Variants in GET1 observed in about 807,000 individuals in gnomAD.
GET1 encodes congenital heart disease 5 protein.
Under a neutral mutation model 22.6 loss-of-function variants are expected in GET1, and 20 were observed. That is an observed-to-expected ratio of 0.89 (90% CI 0.62 to 1.29). The LOEUF (loss-of-function observed/expected upper bound fraction) is 1.29, where lower values mean the gene tolerates loss of function less well. Among genes scored for constraint, GET1 ranks in the 50% most tolerant of loss-of-function variants. GET1 has a pLI of 0.00. For missense variants in GET1, 209 were observed against 219.9 expected, an observed-to-expected ratio of 0.95 and a Z score of 0.31; for synonymous variants, 92 against 83.8, an observed-to-expected ratio of 1.10 and a Z score of -0.53.
At position 39,396,756 on chromosome 21, in the gene GET1, C is replaced by G. The variant is rs574887855; in HGVS notation, c.452-110C>G. On this transcript the variant is annotated intron_variant, in intron 4 of 4. Coordinates refer to ENST00000649170, the MANE Select transcript of GET1 (RefSeq NM_004627.6). ...ACATAAACTTCACTTCAGCCCAGCACTGCTCAAAAAGAATGGAAATACTCT... is the reference window on the plus strand; with the variant it reads ...ACATAAACTTCACTTCAGCCCAGCAGTGCTCAAAAAGAATGGAAATACTCT... 1.1e-4 allele frequency: 113 copies of G among 986,482 alleles called. No homozygotes were observed. The East Asian group carries it at 2.5e-3, about 22-fold the overall frequency. 61.1% of individuals were successfully genotyped at this position (986,482 alleles called of 1,614,324 possible).
intron 1 of GET1, chr21:39,423,601 C>T (rs2074112444): frequency 2.3e-6 from 2 of 878,666 alleles, no homozygotes; most frequent in South Asian, 2.2e-5. Flanking sequence ...CACACACATA[C>T]ACACAAGCGT....
intron 1 of GET1, chr21:39,387,651 A>G (rs1481011043): frequency 2.8e-6 from 1 of 355,146 alleles, no homozygotes; most frequent in East Asian, 1.6e-4. Flanking sequence ...CACGCTGCGC[A>G]TGAGCCCCTA....
intron 1 of GET1, among the ~76,000 whole-genome samples, chr21:39,388,992 A>T (rs1354261869): frequency 6.6e-6 from 1 of 151,844 alleles, no homozygotes; most frequent in East Asian, 1.9e-4. Flanking sequence ...ATCTGTGGAA[A>T]CCACAGATCT....
chr21:39,390,237 G>A (rs1202671016), intron 1 of GET1, among the ~76,000 whole-genome samples: 1 of 152,032 alleles, frequency 6.6e-6, no homozygotes, highest in African/African-American at 2.4e-5. Context: ...TCCCTCAAGG[G>A]GCTGCTCCAG....
chr21:39,425,345 T>G (rs1204166059), intron 1 of GET1, among the ~76,000 whole-genome samples: 1 of 152,236 alleles, frequency 6.6e-6, no homozygotes, highest in East Asian at 1.9e-4. Flanking sequence ...AAGCATGCTT[T>G]CTGGGGATAA....
intron 1 of GET1, chr21:39,423,257 T>C (rs536364031): frequency 6.8e-6 from 11 of 1,610,226 alleles, no homozygotes; most frequent in East Asian, 4.5e-5. Flanking sequence ...TATTTTCCTA[T>C]AGCTTTCAAA....
At chr21:39,399,632 G>A (rs1284072054), downstream of GET1, among the ~76,000 whole-genome samples, 1 of 151,950 alleles carries the variant, frequency 6.6e-6, no homozygotes, top group African/African-American at 2.4e-5. Flanking sequence ...GTAGAGATGG[G>A]GTTTCACTAT....
At chr21:39,411,391 A>T (rs532771185), downstream of GET1, among the ~76,000 whole-genome samples, 17 of 152,326 alleles carry the variant, frequency 1.1e-4, no homozygotes, top group African/African-American at 3.8e-4. Context: ...AATAAAGTTC[A>T]TTTTGAAAAG....
At chr21:39,404,750 C>CAAAAAAA (rs748914343) in intron 4 of GET1, among the ~76,000 whole-genome samples, 1 of 88,156 alleles carries the variant, frequency 1.1e-5, no homozygotes, top group Non-Finnish European at 2.0e-5. Flanking sequence ...GAGACACTGT[C>CAAAAAAA]AAAAAAAAAA....
At chr21:39,400,511 G>A (rs1245444723), downstream of GET1, among the ~76,000 whole-genome samples, 3 of 152,178 alleles carry the variant, frequency 2.0e-5, no homozygotes, top group Non-Finnish European at 4.4e-5. Flanking sequence ...CTAGAGCCGT[G>A]TATGGAGTCT....
chr21:39,404,205 A>G (rs1160140734), intron 4 of GET1, among the ~76,000 whole-genome samples: 1 of 152,244 alleles, frequency 6.6e-6, no homozygotes, highest in African/African-American at 2.4e-5. Context: ...TACAGTCCTA[A>G]TTTAAAATAT....
chr21:39,384,693 T>G (rs942728559), intron 1 of GET1, among the ~76,000 whole-genome samples: 3 of 152,006 alleles, frequency 2.0e-5, no homozygotes, highest in Admixed American at 6.6e-5. Flanking sequence ...TAGTATTCAT[T>G]AGTTATTTTT....
chr21:39,415,585 C>T (rs2040987814), intron 1 of GET1, among the ~76,000 whole-genome samples: 1 of 152,180 alleles, frequency 6.6e-6, no homozygotes, highest in South Asian at 2.1e-4. Flanking sequence ...TATCTTCATT[C>T]CACTTCCCCC....
intron 1 of GET1, among the ~76,000 whole-genome samples, chr21:39,414,566 A>G (rs578019318): frequency 2.6e-5 from 4 of 152,296 alleles, no homozygotes; most frequent in Middle Eastern, 3.4e-3. Flanking sequence ...ATGCTCTTCA[A>G]CAACCTCGTG....
intron 1 of GET1, among the ~76,000 whole-genome samples, chr21:39,412,595 C>A (rs934317958): frequency 6.6e-6 from 1 of 150,840 alleles, no homozygotes; most frequent in Non-Finnish European, 1.5e-5. Flanking sequence ...GACAGACGTG[C>A]ATGTGCACAC....
At chr21:39,392,134 T>C (rs751969971) in intron 3 of GET1, 5 of 356,290 alleles carry the variant, frequency 1.4e-5, no homozygotes, top group Non-Finnish European at 2.5e-5. Flanking sequence ...CCTGGTGGGA[T>C]GAAGCGAGAG....
rs934763491 is a variant in GET1, at chr21:39,397,457, G to A, written c.*518G>A. ...CATTGCGTGGGCTTTTTCTCCCTTT[G>A]TTTAAAATGTCATTTGTTGAGCAAG... On this transcript the variant is annotated 3_prime_UTR_variant, in exon 5 of 5. Transcript: ENST00000649170. The A allele has an allele frequency of 2.0e-5, 3 of 153,528 alleles. No individual in the cohort carries two copies. The highest frequency in any genetic ancestry group is 3.8e-4 in the East Asian group (2 of 5,212). The allele number at this position is 153,528 out of a possible 1,614,324, so 9.5% of individuals were successfully genotyped here.
chr21:39,407,613 A>T (rs1017058480), downstream of GET1, among the ~76,000 whole-genome samples: 2 of 152,212 alleles, frequency 1.3e-5, no homozygotes, highest in Non-Finnish European at 2.9e-5. Context: ...GGCAGTTATT[A>T]TAGACAATGA....
intron 1 of GET1, among the ~76,000 whole-genome samples, chr21:39,423,815 C>T (rs1006767310): frequency 6.6e-6 from 1 of 152,100 alleles, no homozygotes; most frequent in African/African-American, 2.4e-5. Context: ...TCTTCTTTGA[C>T]TCTAAAATCT....
Sources: gnomAD v4.1 joint callset for allele counts (sites outside exome capture counted in the v4.1 genomes callset) on GRCh38, gnomAD v4.1.1 for gene constraint, MANE v1.5 for transcripts, NCBI Gene and HGNC (gene_info 2026-07-23, HGNC 2026-07-21) for gene names.